Variants in SNX7 observed in about 807,000 individuals in gnomAD.
The protein encoded by SNX7 is sorting nexin-7.
A neutral mutation model predicts 48.4 loss-of-function variants in SNX7; 35 were observed. The observed-to-expected ratio is 0.72, with a 90% CI of 0.55 to 0.96. The LOEUF (loss-of-function observed/expected upper bound fraction) is 0.96, where lower values mean the gene tolerates loss of function less well. SNX7 is among the 40% of genes least tolerant of loss of function. SNX7 has a pLI of 0.00. For missense variants in SNX7, 553 were observed against 548.9 expected (o/e 1.01, Z -0.07); for synonymous variants, 190 against 190.2 (o/e 1.00, Z 0.01).
intron 8 of SNX7, among the ~76,000 whole-genome samples, chr1:98,759,425 C>A (rs562911928): frequency 6.6e-6 from 1 of 152,136 alleles, no homozygotes; most frequent in South Asian, 2.1e-4. Context: ...GTGTTCCCAG[C>A]GCCTTCAGAC....
chr1:98,691,937 A>ACACACACTCTCTCT (rs376006567), intron 4 of SNX7, among the ~76,000 whole-genome samples: 220 of 131,154 alleles, frequency 1.7e-3, no homozygotes, highest in South Asian at 3.7e-3. Context: ...ACACACACAC[A>ACACACACTCTCTCT]CTCTCTCTCT....
chr1:98,751,913 A>G (rs1215277904), intron 8 of SNX7, among the ~76,000 whole-genome samples: 5 of 152,162 alleles, frequency 3.3e-5, no homozygotes, highest in Admixed American at 6.6e-5. Context: ...TGAGAATCCA[A>G]AGCTAGAATG....
chr1:98,691,801 A>G, intron 4 of SNX7, 102 bp downstream of exon 4: 1 of 979,574 alleles, frequency 1.0e-6, no homozygotes, highest in Non-Finnish European at 1.4e-6. Flanking sequence ...GCAGTGGTGT[A>G]CTTGAATTGA....
chr1:98,752,287 AGC>A (rs1257899594), intron 8 of SNX7, among the ~76,000 whole-genome samples: 7 of 152,072 alleles, frequency 4.6e-5, no homozygotes, highest in Non-Finnish European at 8.8e-5. Context: ...AAATTTAAGG[AGC>A]CTTAGAGATC....
chr1:98,676,357 G>A (rs1303986199), intron 1 of SNX7, among the ~76,000 whole-genome samples: 1 of 151,848 alleles, frequency 6.6e-6, no homozygotes, highest in African/African-American at 2.4e-5. Flanking sequence ...TTTTTTGCAA[G>A]ACATTTATTG....
chr1:98,694,822 G>A lies in SNX7; in HGVS notation c.640-696G>A, dbSNP rs142173338. 6.2e-4 allele frequency among the ~76,000 whole-genome samples: 94 copies of A among 151,448 alleles called. 1 individual carries two copies. The highest frequency in any genetic ancestry group is 6.8e-3 in the Middle Eastern group (2 of 292). The stretch of plus-strand genomic sequence containing the variant: ...AGGGAGTTTCACCGTGTTAGCCAGG[G>A]TAGTCTCGATCTCCTGACCTCATGT... On this transcript the variant is annotated intron_variant, in intron 4 of 8. Coordinates refer to ENST00000306121, the MANE Select transcript of SNX7 (RefSeq NM_015976.5).
At chr1:98,693,039 A>T (rs1047046321) in intron 4 of SNX7, among the ~76,000 whole-genome samples, 3 of 152,082 alleles carry the variant, frequency 2.0e-5, no homozygotes, top group African/African-American at 4.8e-5. Context: ...TTTATTGAAA[A>T]AAGTCCACAT....
At chr1:98,719,280 G>T (rs1652743033) in intron 7 of SNX7, among the ~76,000 whole-genome samples, 1 of 152,062 alleles carries the variant, frequency 6.6e-6, no homozygotes, top group Non-Finnish European at 1.5e-5. Flanking sequence ...TGCTGTTCTT[G>T]TTACCACCCA....
At chr1:98,689,854 A>T (rs1441078284) in intron 2 of SNX7, among the ~76,000 whole-genome samples, 1 of 152,176 alleles carries the variant, frequency 6.6e-6, no homozygotes, top group Non-Finnish European at 1.5e-5. Context: ...CCATTTCCAT[A>T]TCATGTACCA....
chr1:98,734,844 A>G (rs757703745), intron 7 of SNX7, among the ~76,000 whole-genome samples: 2 of 152,114 alleles, frequency 1.3e-5, no homozygotes, highest in Non-Finnish European at 2.9e-5. Flanking sequence ...TGGCATTACA[A>G]CGTTTTGCTG....
chr1:98,665,551 GA>G (rs1200814455), intron 1 of SNX7, among the ~76,000 whole-genome samples: 1 of 151,982 alleles, frequency 6.6e-6, no homozygotes, highest in East Asian at 1.9e-4. Flanking sequence ...CAAGGCTTTT[GA>G]AAAAAATCAC....
chr1:98,709,381 A>G (rs1450616153), intron 7 of SNX7, among the ~76,000 whole-genome samples: 1 of 152,160 alleles, frequency 6.6e-6, no homozygotes, highest in African/African-American at 2.4e-5. Context: ...GACCACTCCC[A>G]TTTGCCCTAC....
At chr1:98,718,388 G>A (rs951235427) in intron 7 of SNX7, among the ~76,000 whole-genome samples, 5 of 151,982 alleles carry the variant, frequency 3.3e-5, no homozygotes, top group Admixed American at 6.6e-5. Context: ...AAGGAACTCA[G>A]AGTCTCCATT....
At chr1:98,722,882 C>A (rs1652961187) in intron 7 of SNX7, among the ~76,000 whole-genome samples, 1 of 152,110 alleles carries the variant, frequency 6.6e-6, no homozygotes, top group East Asian at 1.9e-4. Flanking sequence ...AGATACACAT[C>A]TATGTAAAGA....
chr1:98,698,674 GA>G (rs1163656278), intron 5 of SNX7, 31 bp from the exon 6 acceptor site: 1 of 1,573,422 alleles, frequency 6.4e-7, no homozygotes, highest in African/African-American at 1.4e-5. Context: ...TTTGTTTATT[GA>G]AGAGCTTATT....
intron 1 of SNX7, among the ~76,000 whole-genome samples, chr1:98,683,123 A>G (rs1650592792): frequency 6.6e-6 from 1 of 152,088 alleles, no homozygotes; most frequent in South Asian, 2.1e-4. Context: ...TGGTGATTTC[A>G]TGGTTTTTTA....
At chr1:98,728,684 G>T (rs906504683) in intron 7 of SNX7, among the ~76,000 whole-genome samples, 1 of 151,972 alleles carries the variant, frequency 6.6e-6, no homozygotes, top group Non-Finnish European at 1.5e-5. Flanking sequence ...AACCAACAAA[G>T]ATCAAAAAAG....
At chr1:98,748,195 A>G (rs1234505664) in intron 8 of SNX7, among the ~76,000 whole-genome samples, 2 of 151,982 alleles carry the variant, frequency 1.3e-5, no homozygotes, top group African/African-American at 4.8e-5. Flanking sequence ...CATGTTGGCC[A>G]GGCTGGTCTC....
intron 1 of SNX7, among the ~76,000 whole-genome samples, chr1:98,679,432 C>T (rs1192218690): frequency 6.6e-6 from 1 of 152,054 alleles, no homozygotes; most frequent in African/African-American, 2.4e-5. Context: ...AATCTCATGT[C>T]CTCACATATC....
Sources: gnomAD v4.1 joint callset for allele counts (sites outside exome capture counted in the v4.1 genomes callset) on GRCh38, gnomAD v4.1.1 for gene constraint, MANE v1.5 for transcripts, NCBI Gene and HGNC (gene_info 2026-07-23, HGNC 2026-07-21) for gene names.